The following GPR149 variants were observed in gnomAD, a reference collection of about 807,000 sequenced individuals.
GPR149 encodes the protein G protein-coupled receptor 149.
GPR149 carries 50 observed loss-of-function variants against 50.2 expected under a neutral mutation model. The ratio of observed to expected loss-of-function variants is 1.00; its 90% CI spans 0.79 to 1.26. The LOEUF (loss-of-function observed/expected upper bound fraction) is 1.26, where lower values mean the gene tolerates loss of function less well. GPR149 is among the 50% of genes most tolerant of loss of function. GPR149 has a pLI of 0.00. For missense variants in GPR149, 983 were observed against 895.4 expected (o/e 1.10, Z -1.25); for synonymous variants, 405 against 358.2 (o/e 1.13, Z -1.48).
intron 3 of GPR149, chr3:154,353,511 T>G: frequency 1.1e-6 from 1 of 895,024 alleles, no homozygotes. Flanking sequence ...TCAGCCACTC[T>G]GCAGATGATC....
intron 3 of GPR149, among the ~76,000 whole-genome samples, chr3:154,367,807 C>T (rs1282701478): frequency 1.1e-4 from 17 of 152,158 alleles, no homozygotes; most frequent in Non-Finnish European, 2.1e-4. Flanking sequence ...TACATTTTGG[C>T]GAGCCAGCCA....
chr3:154,354,150 C>G (rs1263822705), intron 3 of GPR149: 3 of 491,318 alleles, frequency 6.1e-6, no homozygotes, highest in South Asian at 4.8e-5. Flanking sequence ...TTTTTTTTGG[C>G]CTTGGAAGCA....
Position 154,429,287 on chromosome 3 carries a change from A to G in GPR149, c.329T>C (p.Leu110Ser). 6.2e-7 allele frequency: 1 copy of G among 1,614,182 alleles called. No individual in the cohort carries two copies. The highest frequency in any genetic ancestry group is 1.1e-5 in the South Asian group (1 of 91,078). The change falls in exon 1 of 4, where the codon TTA (leucine) becomes TCA (serine). Residue 110 changes from leucine (L) to serine (S), a missense_variant. Coordinates refer to ENST00000389740, the MANE Select transcript of GPR149 (RefSeq NM_001038705.3). ...YFQFLCTTSA[L>S]MYLCQGLSSN... is the part of the protein sequence containing the mutation. ...AGAGAGGCCCTGGCATAAATACATT[A>G]AGGCAGAGGTGGTGCACAGAAATTG...
intron 3 of GPR149, among the ~76,000 whole-genome samples, chr3:154,404,870 T>TCAG (rs371581317): frequency 0.021 from 1,906 of 92,446 alleles, 30 homozygotes; most frequent in African/African-American, 0.05. Context: ...ATCATCATCA[T>TCAG]CATCAGCAGC....
chr3:154,337,871 AAG>A lies in GPR149; in HGVS notation c.2022_2023del (p.Leu676AlafsTer4), dbSNP rs763969528. ...ACCATCAGGATTACTGGTGGGCAAAAAGAGGGAGTATGAGGCTGTTTCCCCTA... is the reference window on the plus strand; with the variant it reads ...ACCATCAGGATTACTGGTGGGCAAAAAGGGAGTATGAGGCTGTTTCCCCTA... On this transcript the variant is annotated frameshift_variant, in exon 4 of 4. Transcript: ENST00000389740. LOFTEE classifies it high-confidence loss of function. 1.2e-6 allele frequency: 2 copies of A among 1,613,822 alleles called. No individual in the cohort carries two copies. The highest frequency in any genetic ancestry group is 1.7e-6 in the Non-Finnish European group (2 of 1,179,902).
At chr3:154,385,315 TA>T in intron 3 of GPR149, among the ~76,000 whole-genome samples, 1 of 152,348 alleles carries the variant, frequency 6.6e-6, no homozygotes, top group East Asian at 1.9e-4. Flanking sequence ...CGGGCTTTCA[TA>T]TTTTTTGTAC....
At chr3:154,380,069 A>AAT (rs1171267250) in intron 3 of GPR149, among the ~76,000 whole-genome samples, 5 of 151,726 alleles carry the variant, frequency 3.3e-5, no homozygotes, top group Admixed American at 6.6e-5. Flanking sequence ...ATGGTAAGTG[A>AAT]ATATATATAT....
intron 3 of GPR149, among the ~76,000 whole-genome samples, chr3:154,357,436 G>A (rs1714265642): frequency 6.6e-6 from 1 of 151,992 alleles, no homozygotes; most frequent in South Asian, 2.1e-4. Flanking sequence ...CTACTCATCT[G>A]ACAAAGGGCT....
chr3:154,386,412 T>A (rs1354960127), intron 3 of GPR149, among the ~76,000 whole-genome samples: 1 of 152,240 alleles, frequency 6.6e-6, no homozygotes, highest in African/African-American at 2.4e-5. Flanking sequence ...TCATACCTGA[T>A]GTCAAGGGCA....
intron 3 of GPR149, 21 bp downstream of exon 3, chr3:154,421,018 C>A (rs1712126915): frequency 6.5e-7 from 1 of 1,529,434 alleles, no homozygotes; most frequent in Non-Finnish European, 8.8e-7. Context: ...AATTTAACAG[C>A]AAGAACAACT....
intron 3 of GPR149, among the ~76,000 whole-genome samples, chr3:154,376,895 A>T (rs1040124876): frequency 6.6e-6 from 1 of 152,212 alleles, no homozygotes; most frequent in African/African-American, 2.4e-5. Context: ...ACATAATAAA[A>T]AGATAACAAT....
rs777546936 is a variant in GPR149 at position 154,429,547 on chromosome 3, C to G, written c.69G>C (p.Thr23=). 2 of 1,613,756 alleles carry G rather than the reference C, an allele frequency of 1.2e-6. No homozygotes were observed. The highest frequency in any genetic ancestry group is 3.3e-5 in the Admixed American group (2 of 60,002). The change falls in exon 1 of 4, where the codon ACG becomes ACC. Residue 23 remains threonine, a synonymous_variant. Transcript: ENST00000389740. ...GGGTTCCTGGCGGATTTAAAAGGTC[C>G]GTAGAATTATGATTCTCTTTCCACA... is the stretch of plus-strand genomic sequence containing the variant. ...SSLWKENHNS[T]DLLNPPGTLN...
At chr3:154,357,942 A>G (rs1714279654) in intron 3 of GPR149, among the ~76,000 whole-genome samples, 1 of 152,198 alleles carries the variant, frequency 6.6e-6, no homozygotes, top group African/African-American at 2.4e-5. Flanking sequence ...CATATACACC[A>G]TGGAATACTA....
At chr3:154,413,565 C>G (rs759425426) in intron 3 of GPR149, among the ~76,000 whole-genome samples, 1 of 151,728 alleles carries the variant, frequency 6.6e-6, no homozygotes, top group East Asian at 1.9e-4. Context: ...CTCAACACCA[C>G]TAATGATCAG....
chr3:154,412,180 C>A (rs1711855246), intron 3 of GPR149, among the ~76,000 whole-genome samples: 1 of 152,018 alleles, frequency 6.6e-6, no homozygotes, highest in Non-Finnish European at 1.5e-5. Context: ...TCAGCAAAAT[C>A]AGCATAGAAG....
At chr3:154,416,776 C>G (rs1439294780) in intron 3 of GPR149, among the ~76,000 whole-genome samples, 1 of 151,856 alleles carries the variant, frequency 6.6e-6, no homozygotes, top group East Asian at 1.9e-4. Flanking sequence ...ACAATTACCT[C>G]CCTCTGCTTT....
At chr3:154,345,000 G>A (rs2108385541) in intron 3 of GPR149, among the ~76,000 whole-genome samples, 1 of 152,310 alleles carries the variant, frequency 6.6e-6, no homozygotes, top group Middle Eastern at 3.4e-3. Context: ...TCTGGACACT[G>A]GGGCTATGTG....
intron 3 of GPR149, among the ~76,000 whole-genome samples, chr3:154,414,212 A>C (rs1460047884): frequency 2.6e-5 from 4 of 151,976 alleles, no homozygotes; most frequent in Admixed American, 1.3e-4. Context: ...TACAGTGTAC[A>C]CTACTCGGGT....
intron 3 of GPR149, among the ~76,000 whole-genome samples, chr3:154,402,449 T>TAA (rs1553766101): frequency 7.1e-5 from 4 of 56,268 alleles, no homozygotes; most frequent in Admixed American, 2.0e-4. Flanking sequence ...TAAATAAATA[T>TAA]AGAATAGAAA....
Sources: allele counts gnomAD v4.1 joint callset (sites outside exome capture counted in the v4.1 genomes callset), GRCh38; gene constraint gnomAD v4.1.1; transcripts MANE v1.5; gene names NCBI Gene and HGNC (gene_info 2026-07-23, HGNC 2026-07-21).